VSTM2B: variants seen among roughly 807,000 people sequenced by gnomAD.
VSTM2B encodes the protein V-set and transmembrane domain-containing protein 2B.
A neutral mutation model predicts 24.0 loss-of-function variants in VSTM2B; 24 were observed. The observed-to-expected ratio is 1.00, with a 90% confidence interval of 0.72 to 1.40. The LOEUF is 1.40. VSTM2B is among the 40% of genes most tolerant of loss of function. The probability of loss-of-function intolerance (pLI) is 0.00; values close to 1 mark genes in which losing one functional copy is unlikely to be tolerated. For missense variants in VSTM2B, 399 were observed against 416.4 expected (o/e 0.96, Z 0.36); for synonymous variants, 226 against 194.4 (o/e 1.16, Z -1.35).
At position 29,528,593 on chromosome 19, in the gene VSTM2B, T is replaced by C. The variant is rs931490093; in HGVS notation, c.297+131T>C. On this transcript the variant is annotated intron_variant, in intron 3 of 4. Coordinates refer to ENST00000335523, the MANE Select transcript of VSTM2B (RefSeq NM_001146339.2). ...GCAAGTAGGGCAGCGATCGCAGCCT[T>C]GCATCGGTGGCTGCTCGGCGTGTCC... The C allele has an allele frequency of 1.5e-5, 18 of 1,162,628 alleles. 1 individual carries two copies. In the Admixed American group the frequency reaches 3.9e-4, roughly 25 times the overall value. 72.0% of individuals were successfully genotyped at this position (1,162,628 alleles called of 1,614,324 possible). A position where few individuals can be genotyped will look rare whatever the true frequency, so the allele number is the denominator to read the frequency against.
intron 4 of VSTM2B, among the ~76,000 whole-genome samples, chr19:29,557,330 C>T (rs1300518259): frequency 2.0e-5 from 3 of 152,214 alleles, no homozygotes; most frequent in Non-Finnish European, 4.4e-5. Flanking sequence ...GGAAAACTGG[C>T]TAGCCATATG....
intron 4 of VSTM2B, among the ~76,000 whole-genome samples, chr19:29,559,767 T>G (rs997836951): frequency 1.1e-4 from 16 of 152,148 alleles, no homozygotes; most frequent in Non-Finnish European, 2.1e-4. Flanking sequence ...TTCTGTAACA[T>G]CTATTTGCAT....
intron 4 of VSTM2B, among the ~76,000 whole-genome samples, chr19:29,549,173 G>A (rs578019655): frequency 6.6e-6 from 1 of 152,236 alleles, no homozygotes; most frequent in Non-Finnish European, 1.5e-5. Flanking sequence ...GACTCTGTGT[G>A]CACCAAACTA....
In VSTM2B at chr19:29,531,047, T is replaced by C. The variant is rs376496237; in HGVS notation, c.769+757T>C. ...GCAGAAGGAGGAGAAAATGATGGCT[T>C]GACTACCCCCTGGTAGGCAGCTCTG... On this transcript the variant is annotated intron_variant, in intron 4 of 4. Coordinates refer to ENST00000335523, the MANE Select transcript of VSTM2B (RefSeq NM_001146339.2). Among the ~76,000 whole-genome samples, 844 of 137,652 alleles carry C rather than the reference T, an allele frequency of 6.1e-3. 17 individuals carry two copies. The highest frequency in any genetic ancestry group is 0.022 in the African/African-American group (789 of 36,536). The allele number at this position is 137,652 out of a possible 152,430, so 90.3% of individuals were successfully genotyped here.
rs142186921 is a variant in VSTM2B, at chr19:29,535,666, G to A, written c.769+5376G>A. The stretch of plus-strand genomic sequence containing the variant: ...CAACCGTAAACCGTGACCAAAGGGG[G>A]CCGTGGGCAAGGTGGAGACAGTCAC... On this transcript the variant is annotated intron_variant, in intron 4 of 4. Coordinates refer to ENST00000335523, the MANE Select transcript of VSTM2B (RefSeq NM_001146339.2). Among the ~76,000 whole-genome samples, 1,139 of 152,326 alleles carry A rather than the reference G, an allele frequency of 7.5e-3. 9 individuals are homozygous for A. Among genetic ancestry groups the A allele is most frequent in the African/African-American group, 0.024 (1,002 of 41,566 alleles).
chr19:29,544,550 A>G (rs1015453784), intron 4 of VSTM2B, among the ~76,000 whole-genome samples: 3 of 150,700 alleles, frequency 2.0e-5, no homozygotes, highest in East Asian at 1.9e-4. Context: ...AAAAAAAAAA[A>G]AAAAAACTGA....
At chr19:29,550,785 C>T (rs757497422) in intron 4 of VSTM2B, among the ~76,000 whole-genome samples, 22 of 151,466 alleles carry the variant, frequency 1.5e-4, no homozygotes, top group Non-Finnish European at 2.9e-4. Flanking sequence ...TGTGTAGAGC[C>T]AGACCTCAAA....
chr19:29,536,663 G>C (rs1969897752), intron 4 of VSTM2B, among the ~76,000 whole-genome samples: 1 of 152,288 alleles, frequency 6.6e-6, no homozygotes, highest in Admixed American at 6.5e-5. Context: ...CCAGAAGACA[G>C]AGCGCTCTCT....
chr19:29,542,349 G>T (rs531135012), intron 4 of VSTM2B, among the ~76,000 whole-genome samples: 1 of 151,548 alleles, frequency 6.6e-6, no homozygotes, highest in African/African-American at 2.4e-5. Context: ...ATGGGAGAAC[G>T]AATGGGTGGG....
Position 29,530,148 on chromosome 19 carries a change from C to T in VSTM2B, c.627C>T (p.Ala209=), listed in dbSNP as rs1479769043. Residue 209 remains alanine (A), a synonymous_variant, in exon 4 of 5, where the codon GCC becomes GCT. Coordinates refer to ENST00000335523, the MANE Select transcript of VSTM2B (RefSeq NM_001146339.2). The part of the protein sequence containing the change: ...DKSPPPGSPP[A]AIDPAVPEAA... ...GCCCGCCGCCCGGGAGCCCTCCCGC[C>T]GCCATCGATCCCGCAGTCCCCGAGG... The T allele has an allele frequency of 3.4e-6, 5 of 1,469,946 alleles. No individual in the cohort carries two copies. The highest frequency in any genetic ancestry group is 2.6e-5 in the South Asian group (2 of 77,284). 91.1% of individuals were successfully genotyped at this position (1,469,946 alleles called of 1,614,324 possible).
intron 4 of VSTM2B, among the ~76,000 whole-genome samples, chr19:29,554,376 A>C (rs11673543): frequency 0.043 from 6,609 of 152,274 alleles, 172 homozygotes; most frequent in African/African-American, 0.074. Flanking sequence ...TGCTAAGGGA[A>C]TTTATCACCA....
chr19:29,546,670 G>GCCCC (rs201235419), intron 4 of VSTM2B, among the ~76,000 whole-genome samples: 9 of 150,316 alleles, frequency 6.0e-5, no homozygotes, highest in Non-Finnish European at 7.4e-5. Context: ...CCGCTGGGGA[G>GCCCC]CCCCCACCCC....
At position 29,528,463 on chromosome 19, in the gene VSTM2B, G is replaced by GT. The variant is rs1224811955; in HGVS notation, c.297+2dup. ...AAATAAGGATGCAACTAAAATCAGC[G>GT]TAAGTGTGGAGCCCAGCGCGGGCCG... On this transcript the variant is annotated splice_donor_variant, in intron 3 of 4. Coordinates refer to ENST00000335523, the MANE Select transcript of VSTM2B (RefSeq NM_001146339.2). LOFTEE classifies it high-confidence loss of function. 57 of 1,550,876 alleles carry GT rather than the reference G, an allele frequency of 3.7e-5. No individual in the cohort carries two copies. Among genetic ancestry groups the GT allele is most frequent in the East Asian group, 1.5e-4 (6 of 40,934 alleles).
At chr19:29,525,540 C>G (rs1407165648), upstream of VSTM2B, 2 of 152,484 alleles carry the variant, frequency 1.3e-5, no homozygotes, top group East Asian at 3.9e-4. Context: ...CCGCCGCCAC[C>G]CAGCGTAGTC....
At chr19:29,559,003 C>T (rs889999498) in intron 4 of VSTM2B, among the ~76,000 whole-genome samples, 4 of 152,192 alleles carry the variant, frequency 2.6e-5, no homozygotes, top group African/African-American at 7.2e-5. Context: ...AACACTTTTA[C>T]ACTGTTGGTG....
intron 4 of VSTM2B, among the ~76,000 whole-genome samples, chr19:29,563,180 G>T (rs1009126322): frequency 6.6e-6 from 1 of 152,022 alleles, no homozygotes; most frequent in Non-Finnish European, 1.5e-5. Context: ...TGGAGGAAGA[G>T]GACAAGCAGG....
At chr19:29,541,212 T>C (rs1970011767) in intron 4 of VSTM2B, among the ~76,000 whole-genome samples, 1 of 152,214 alleles carries the variant, frequency 6.6e-6, no homozygotes. Context: ...GGGGTTTGAG[T>C]GGCTAGGGCA....
chr19:29,536,785 G>A (rs1458011057), intron 4 of VSTM2B, among the ~76,000 whole-genome samples: 1 of 152,154 alleles, frequency 6.6e-6, no homozygotes, highest in Non-Finnish European at 1.5e-5. Context: ...CCCCCAACAA[G>A]GAGCTGCTCA....
At position 29,526,129 on chromosome 19, in the gene VSTM2B, G is replaced by A. The variant is rs945304863; in HGVS notation, c.-455G>A. On this transcript the variant is annotated 5_prime_UTR_variant, in exon 1 of 5. Coordinates refer to ENST00000335523, the MANE Select transcript of VSTM2B (RefSeq NM_001146339.2). The surrounding 1 kb of genome is among the most constrained non-coding windows in gnomAD (Gnocchi z 4.1). Reference sequence around the variant, plus strand: ...GAGCCGCGGAGGAACCGGCGGGGGCGGCTGCGGGAGCCGAAGGAGGTGGCA... The same window carrying A: ...GAGCCGCGGAGGAACCGGCGGGGGCAGCTGCGGGAGCCGAAGGAGGTGGCA... 1.3e-5 allele frequency among the ~76,000 whole-genome samples: 2 copies of A among 152,044 alleles called. No homozygotes were observed. Among genetic ancestry groups the A allele is most frequent in the Non-Finnish European group, 2.9e-5 (2 of 67,988 alleles).
Sources: allele counts gnomAD v4.1 joint callset (sites outside exome capture counted in the v4.1 genomes callset), GRCh38; gene constraint gnomAD v4.1.1; non-coding constraint Gnocchi (gnomAD v3.1); transcripts MANE v1.5; gene names NCBI Gene and HGNC (gene_info 2026-07-23, HGNC 2026-07-21).